AUTS2: variants seen among roughly 807,000 people sequenced by gnomAD.
AUTS2 encodes autism susceptibility gene 2 protein.
Under a neutral mutation model 112.4 loss-of-function variants are expected in AUTS2, and 17 were observed. The ratio of observed to expected loss-of-function variants is 0.15; its 90% CI spans 0.10 to 0.23. The LOEUF (loss-of-function observed/expected upper bound fraction) is 0.23. AUTS2 is among the 10% of genes least tolerant of loss of function. The pLI, the probability that AUTS2 is intolerant of heterozygous loss-of-function variation, is 1.00. For synonymous variants in AUTS2, 751 were observed against 702.7 expected, an observed-to-expected ratio of 1.07 and a Z score of -1.09; for missense variants, 1,510 against 1,701.6, an observed-to-expected ratio of 0.89 and a Z score of 1.98.
chr7:70,338,833 C>CTTTATTTAT (rs71077651), intron 4 of AUTS2, among the ~76,000 whole-genome samples: 3,586 of 141,070 alleles, frequency 0.025, 53 homozygotes, highest in Middle Eastern at 0.029. Flanking sequence ...AGCCTCATCT[C>CTTTATTTAT]TTATTTATTT....
chr7:70,065,431 C>T (rs1179148798), intron 2 of AUTS2, among the ~76,000 whole-genome samples: 1 of 152,112 alleles, frequency 6.6e-6, no homozygotes, highest in Non-Finnish European at 1.5e-5. Context: ...CGGTGGCTAA[C>T]ACCTGTAATC....
At chr7:69,852,930 T>G (rs960196353) in intron 1 of AUTS2, among the ~76,000 whole-genome samples, 2 of 152,168 alleles carry the variant, frequency 1.3e-5, no homozygotes, top group Non-Finnish European at 1.5e-5. Context: ...AGTTCCCAAG[T>G]TTTTTTAGAT....
Position 70,766,428 on chromosome 7 carries a change from A to C in AUTS2, c.1689+94A>C. 1.4e-6 allele frequency: 2 copies of C among 1,463,480 alleles called. No homozygotes were observed. The highest frequency in any genetic ancestry group is 1.9e-6 in the Non-Finnish European group (2 of 1,067,860). 90.7% of individuals were successfully genotyped at this position (1,463,480 alleles called of 1,614,324 possible). Reference sequence around the variant, plus strand: ...CCGGGCTGGGCAGCGGGGCCACCAGAGATCGAATGGGGACTGACGGCTGTT... The same window carrying C: ...CCGGGCTGGGCAGCGGGGCCACCAGCGATCGAATGGGGACTGACGGCTGTT... On this transcript the variant is annotated intron_variant, in intron 9 of 18. Transcript: ENST00000342771. The surrounding 1 kb of genome is among the most constrained non-coding windows in gnomAD (Gnocchi z 4.8).
intron 1 of AUTS2, among the ~76,000 whole-genome samples, chr7:69,868,480 G>C (rs948040478): frequency 6.6e-6 from 1 of 152,108 alleles, no homozygotes; most frequent in Non-Finnish European, 1.5e-5. Flanking sequence ...TTGATTGAGC[G>C]AAGTTTTTAT....
chr7:69,841,664 T>A lies in AUTS2; in HGVS notation c.310-57622T>A, dbSNP rs75083214. Among the ~76,000 whole-genome samples, 300 of 152,292 alleles carry A rather than the reference T, an allele frequency of 2.0e-3. 9 individuals carry two copies. In the East Asian group the frequency reaches 0.052, roughly 26 times the overall value. On this transcript the variant is annotated intron_variant, in intron 1 of 18. Coordinates refer to ENST00000342771, the MANE Select transcript of AUTS2 (RefSeq NM_015570.4). ...AAAAAGCCAGTGTCGTGAAACAAAT[T>A]GCTGGTGGGTATTACTCCGGATTAC...
chr7:70,129,940 T>C (rs920705614), intron 3 of AUTS2, among the ~76,000 whole-genome samples: 1 of 151,932 alleles, frequency 6.6e-6, no homozygotes, highest in Non-Finnish European at 1.5e-5. Flanking sequence ...TTTGGTCGGC[T>C]ATTAGTAATC....
intron 5 of AUTS2, among the ~76,000 whole-genome samples, chr7:70,653,488 C>T (rs1036108218): frequency 6.6e-6 from 1 of 152,194 alleles, no homozygotes; most frequent in African/African-American, 2.4e-5. Context: ...AAATCCTATA[C>T]CTCTCTGAGA....
chr7:70,498,700 T>C (rs1798657527), intron 5 of AUTS2, among the ~76,000 whole-genome samples: 1 of 152,178 alleles, frequency 6.6e-6, no homozygotes, highest in Non-Finnish European at 1.5e-5. Context: ...CTTTTGATTC[T>C]CTCTTTCATT....
intron 5 of AUTS2, among the ~76,000 whole-genome samples, chr7:70,535,675 A>C (rs1240849509): frequency 1.3e-5 from 2 of 152,058 alleles, no homozygotes; most frequent in African/African-American, 4.8e-5. Context: ...TCAGCTTCCC[A>C]AAGTGCTGAG....
intron 5 of AUTS2, among the ~76,000 whole-genome samples, chr7:70,540,195 T>C (rs1242497492): frequency 6.6e-6 from 1 of 152,052 alleles, no homozygotes; most frequent in African/African-American, 2.4e-5. Flanking sequence ...AGGTTATTTG[T>C]TGTTGTGATA....
intron 5 of AUTS2, among the ~76,000 whole-genome samples, chr7:70,580,280 G>A (rs891919448): frequency 1.1e-4 from 17 of 152,208 alleles, no homozygotes; most frequent in African/African-American, 3.9e-4. Flanking sequence ...GCCCTGCGCT[G>A]TAGCGTGGCT....
intron 6 of AUTS2, among the ~76,000 whole-genome samples, chr7:70,729,626 A>G (rs1327921291): frequency 6.6e-6 from 1 of 152,218 alleles, no homozygotes; most frequent in Non-Finnish European, 1.5e-5. Flanking sequence ...CGTTGTTGAA[A>G]TGACCAGTAA....
intron 5 of AUTS2, among the ~76,000 whole-genome samples, chr7:70,518,971 C>T (rs576920618): frequency 5.5e-4 from 83 of 151,932 alleles, no homozygotes; most frequent in African/African-American, 1.9e-3. Flanking sequence ...CCCAAAGTGC[C>T]GGGATTACAG....
rs141423493 is a variant in AUTS2, at chr7:70,063,137, T to C, written c.523-54995T>C. Among the ~76,000 whole-genome samples the C allele has an allele frequency of 7.9e-5, 12 of 152,270 alleles. 1 individual carries two copies. In the East Asian group the frequency reaches 1.4e-3, roughly 17 times the overall value. On this transcript the variant is annotated intron_variant, in intron 2 of 18. Coordinates refer to ENST00000342771, the MANE Select transcript of AUTS2 (RefSeq NM_015570.4). ...ACAGTGTGATGGATGCTGGCAGTCATACCACATTCAACATTTCCAAGTGGG... is the reference window on the plus strand; with the variant it reads ...ACAGTGTGATGGATGCTGGCAGTCACACCACATTCAACATTTCCAAGTGGG...
intron 1 of AUTS2, among the ~76,000 whole-genome samples, chr7:69,827,271 G>T (rs1584303240): frequency 6.6e-6 from 1 of 152,218 alleles, no homozygotes; most frequent in East Asian, 1.9e-4. Flanking sequence ...CAGAGAGACT[G>T]TTAACTTATG....
chr7:70,184,264 G>C (rs1400619757), intron 4 of AUTS2, among the ~76,000 whole-genome samples: 2 of 152,180 alleles, frequency 1.3e-5, no homozygotes, highest in Non-Finnish European at 2.9e-5. Context: ...AAAAAGATGA[G>C]TAGCCACAGA....
intron 4 of AUTS2, among the ~76,000 whole-genome samples, chr7:70,366,888 G>T (rs951115943): frequency 6.6e-6 from 1 of 152,164 alleles, no homozygotes; most frequent in Admixed American, 6.5e-5. Context: ...GGAAGAATCA[G>T]TTCATTTTGG....
intron 5 of AUTS2, among the ~76,000 whole-genome samples, chr7:70,473,738 G>A (rs1045077877): frequency 5.5e-5 from 8 of 146,720 alleles, no homozygotes; most frequent in Non-Finnish European, 1.0e-4. Flanking sequence ...TACTTAGGTT[G>A]GAAGCGCCCC....
At chr7:70,470,364 T>C (rs1797332970) in intron 5 of AUTS2, among the ~76,000 whole-genome samples, 1 of 152,064 alleles carries the variant, frequency 6.6e-6, no homozygotes, top group African/African-American at 2.4e-5. Context: ...CCAGGAGATG[T>C]GGTAGATGGA....
Sources: allele counts gnomAD v4.1 joint callset (sites outside exome capture counted in the v4.1 genomes callset), GRCh38; gene constraint gnomAD v4.1.1; non-coding constraint Gnocchi (gnomAD v3.1); transcripts MANE v1.5; gene names NCBI Gene and HGNC (gene_info 2026-07-23, HGNC 2026-07-21).